The following TNRC18 variants were observed in gnomAD, a reference collection of about 807,000 sequenced individuals.
The protein encoded by TNRC18 is trinucleotide repeat containing 18, also known as trinucleotide repeat-containing gene 18 protein.
TNRC18 carries 69 observed loss-of-function variants against 226.7 expected under a neutral mutation model. The ratio of observed to expected loss-of-function variants is 0.30; its 90% CI spans 0.25 to 0.37. The LOEUF is 0.37. Among genes scored for constraint, TNRC18 ranks in the 10% least tolerant of loss-of-function variants. TNRC18 has a pLI of 1.00. For synonymous variants in TNRC18, 2,449 were observed against 1,927.6 expected, an observed-to-expected ratio of 1.27 and a Z score of -7.09; for missense variants, 4,754 against 4,256.6, an observed-to-expected ratio of 1.12 and a Z score of -3.25.
chr7:5,369,589 G>A (rs1417440425), intron 11 of TNRC18, among the ~76,000 whole-genome samples: 1 of 152,082 alleles, frequency 6.6e-6, no homozygotes, highest in African/African-American at 2.4e-5. Flanking sequence ...GGGAAGGAGG[G>A]AAGGAGACGG....
chr7:5,309,263 G>A lies in TNRC18; in HGVS notation c.8494C>T (p.Arg2832Cys). 1.2e-6 allele frequency: 2 copies of A among 1,613,856 alleles called. No homozygotes were observed. The stretch of plus-strand genomic sequence containing the variant: ...CGGCCGATGTAGGGCAGGTTGGGGC[G>A]GCCGGCAGAGAGGAACACGGCACAG... ...GDCAVFLSAG[R>C]PNLPYIGRIQ... Residue 2832 changes from arginine to cysteine, a missense_variant, in exon 28 of 30, where the codon CGC (arginine) becomes TGC (cysteine). Arg to Cys is a radical substitution (Grantham distance 180). Transcript: ENST00000430969. The surrounding 1 kb of genome is among the most constrained non-coding windows in gnomAD (Gnocchi z 5.7).
intron 18 of TNRC18, among the ~76,000 whole-genome samples, chr7:5,344,341 T>C (rs539324823): frequency 1.1e-4 from 16 of 152,266 alleles, no homozygotes; most frequent in African/African-American, 3.4e-4. Context: ...GTGTGCACTC[T>C]GAAGACACCC....
chr7:5,351,562 A>T (rs1791818074), intron 17 of TNRC18, among the ~76,000 whole-genome samples: 1 of 152,212 alleles, frequency 6.6e-6, no homozygotes, highest in Non-Finnish European at 1.5e-5. Context: ...AAAGCAGTCC[A>T]TATAACAGCT....
At chr7:5,321,872 A>C (rs1562489849) in intron 21 of TNRC18, among the ~76,000 whole-genome samples, 1 of 151,634 alleles carries the variant, frequency 6.6e-6, no homozygotes, top group Non-Finnish European at 1.5e-5. Context: ...GGGTTCCACC[A>C]TGTTGGCCAG....
rs562218624 is a variant in TNRC18, at chr7:5,370,617, G to A, written c.3977C>T (p.Ala1326Val). Residue 1326 changes from alanine to valine, a missense_variant, in exon 11 of 30, where the codon GCA becomes GTA. By Grantham distance (64) the Ala-to-Val change is moderately conservative. Transcript: ENST00000430969. ...ACTGGGCAGGAACTGGTCAGAGCTT[G>A]CCTCTTCCAGGAAGCAGGTGCTGCC... ...VLGSTCFLEE[A>V]SSDQFLPSLE... 13 of 1,613,258 alleles carry A rather than the reference G, an allele frequency of 8.1e-6. No individual in the cohort carries two copies. Among genetic ancestry groups the A allele is most frequent in the African/African-American group, 2.7e-5 (2 of 75,068 alleles).
chr7:5,359,301 A>AG, intron 15 of TNRC18, 97 bp downstream of exon 15: 1 of 1,282,844 alleles, frequency 7.8e-7, no homozygotes, highest in Non-Finnish European at 1.1e-6. Context: ...GTTTCTGTAC[A>AG]GGAACAAAGG....
In TNRC18 at chr7:5,395,198, C is replaced by T. The variant is rs549589017; in HGVS notation, c.188-603G>A. Among the ~76,000 whole-genome samples the T allele has an allele frequency of 1.1e-3, 170 of 152,318 alleles. 1 individual carries two copies. Among genetic ancestry groups the T allele is most frequent in the Middle Eastern group, 0.01 (3 of 294 alleles). On this transcript the variant is annotated intron_variant, in intron 2 of 29. Coordinates refer to ENST00000430969, the MANE Select transcript of TNRC18 (RefSeq NM_001080495.3). ...AGAAAGCAGGGACTCAGAATGCAGC[C>T]CTGCAGGGTGTCCCCCAGCCCATGG... is the stretch of plus-strand genomic sequence containing the variant.
intron 2 of TNRC18, among the ~76,000 whole-genome samples, chr7:5,399,979 T>TCCCG (rs201748321): frequency 0.022 from 3,326 of 151,696 alleles, 133 homozygotes; most frequent in African/African-American, 0.075. Flanking sequence ...AGCCTCAACC[T>TCCCG]CCCGGGCTCA....
rs577044371 is a variant in TNRC18 at position 5,336,090 on chromosome 7, C to T, written c.5720-3041G>A. On this transcript the variant is annotated intron_variant, in intron 18 of 29. Transcript: ENST00000430969. ...GGCGTGGTGGCATGCATCTGTAATT[C>T]CAGCTACTTGGGATGCTGAGGCACA... Among the ~76,000 whole-genome samples the T allele has an allele frequency of 4.6e-5, 7 of 152,060 alleles. No homozygotes were observed. The South Asian group carries it at 1.5e-3, about 32-fold the overall frequency.
At chr7:5,317,565 T>C (rs1787974261) in intron 24 of TNRC18, among the ~76,000 whole-genome samples, 1 of 151,960 alleles carries the variant, frequency 6.6e-6, no homozygotes, top group Non-Finnish European at 1.5e-5. Flanking sequence ...CACTCTGGCC[T>C]GGGTGACAGA....
chr7:5,406,414 A>G (rs749825487), intron 2 of TNRC18, among the ~76,000 whole-genome samples: 4 of 152,132 alleles, frequency 2.6e-5, no homozygotes, highest in South Asian at 2.1e-4. Flanking sequence ...GTGAGCCGAG[A>G]TTGCGCCACT....
At position 5,316,066 on chromosome 7, in the gene TNRC18, A is replaced by G. The variant is rs1341910322; in HGVS notation, c.6752T>C (p.Leu2251Pro). The G allele has an allele frequency of 6.2e-7, 1 of 1,611,032 alleles. No individual in the cohort carries two copies. Among genetic ancestry groups the G allele is most frequent in the South Asian group, 1.1e-5 (1 of 90,554 alleles). Reference protein sequence around the residue: ...LYPGTVVRGLLDLEDDGDLIT... With the variant: ...LYPGTVVRGLPDLEDDGDLIT... ...CAAGTCCCCATCGTCCTCCAGGTCC[A>G]GTAACCCTGTGGGAAGAGGGGAGGC... Residue 2251 changes from leucine (L) to proline (P), a missense_variant, in exon 25 of 30, where the codon CTG (leucine) becomes CCG (proline). Transcript: ENST00000430969.
chr7:5,354,852 G>A (rs79742459), intron 16 of TNRC18, among the ~76,000 whole-genome samples: 17,606 of 152,200 alleles, frequency 0.12, 1,222 homozygotes, highest in East Asian at 0.18. Context: ...AGCAGGTGAC[G>A]ATATCTTAAC....
At chr7:5,329,961 A>G (rs78011184) in intron 19 of TNRC18, 6,943 of 471,114 alleles carry the variant, frequency 0.015, 376 homozygotes, top group African/African-American at 0.12. Flanking sequence ...TTGATACTGT[A>G]GCAGGAACCT....
chr7:5,374,588 C>G (rs150023028), intron 9 of TNRC18, 104 bp from the exon 10 acceptor site: 238 of 1,222,764 alleles, frequency 1.9e-4, no homozygotes, highest in Middle Eastern at 5.4e-4. Context: ...CGAGGAGAAC[C>G]TCATGCAGGG....
At chr7:5,402,976 C>G (rs1184790722) in intron 2 of TNRC18, among the ~76,000 whole-genome samples, 3 of 152,090 alleles carry the variant, frequency 2.0e-5, no homozygotes, top group Admixed American at 6.6e-5. Flanking sequence ...GTGCTCCCCA[C>G]TCCTGTCAAC....
At chr7:5,398,742 T>C (rs1168815994) in intron 2 of TNRC18, among the ~76,000 whole-genome samples, 1 of 152,052 alleles carries the variant, frequency 6.6e-6, no homozygotes, top group Non-Finnish European at 1.5e-5. Flanking sequence ...CTCAGCCTCC[T>C]GGGTAGCAGG....
At chr7:5,345,929 G>T (rs1433253400) in intron 17 of TNRC18, 119 bp from the exon 18 acceptor site, 13 of 1,364,780 alleles carry the variant, frequency 9.5e-6, no homozygotes, top group Non-Finnish European at 1.3e-5. Context: ...TCCTGAGCAG[G>T]GGGCCGCTGG....
At chr7:5,392,202 G>A (rs898281290) in intron 3 of TNRC18, among the ~76,000 whole-genome samples, 7 of 152,194 alleles carry the variant, frequency 4.6e-5, no homozygotes, top group Admixed American at 3.3e-4. Context: ...AGTGGCTCAT[G>A]CCTGTAATCC....
Sources: gnomAD v4.1 joint callset for allele counts (sites outside exome capture counted in the v4.1 genomes callset) on GRCh38, gnomAD v4.1.1 for gene constraint, Gnocchi (gnomAD v3.1) non-coding constraint, MANE v1.5 for transcripts, NCBI Gene and HGNC (gene_info 2026-07-23, HGNC 2026-07-21) for gene names.